RAI14: variants seen among roughly 807,000 people sequenced by gnomAD.
RAI14 encodes ankycorbin.
A neutral mutation model predicts 115.4 loss-of-function variants in RAI14; 45 were observed. The observed-to-expected ratio is 0.39, with a 90% CI of 0.31 to 0.50. The LOEUF is 0.50. RAI14 is among the 20% of genes least tolerant of loss of function. RAI14 has a pLI of 0.85. For synonymous variants in RAI14, 371 were observed against 415.4 expected (o/e 0.89, Z 1.30); for missense variants, 939 against 1,131.2 (o/e 0.83, Z 2.44).
At chr5:34,701,079 A>G (rs1161054630) in intron 2 of RAI14, among the ~76,000 whole-genome samples, 1 of 152,146 alleles carries the variant, frequency 6.6e-6, no homozygotes, top group Non-Finnish European at 1.5e-5. Context: ...AAAGGACACT[A>G]TTGAGGACGA....
chr5:34,774,079 G>T (rs552508544), intron 3 of RAI14, among the ~76,000 whole-genome samples: 56 of 152,216 alleles, frequency 3.7e-4, no homozygotes, highest in African/African-American at 1.2e-3. Flanking sequence ...AAGCCTGGGC[G>T]CAGTGGCCCA....
intron 3 of RAI14, among the ~76,000 whole-genome samples, chr5:34,784,709 G>A (rs1468003431): frequency 6.6e-6 from 1 of 152,156 alleles, no homozygotes; most frequent in Non-Finnish European, 1.5e-5. Context: ...CAAATCTAGA[G>A]CCTTCTCTGG....
At chr5:34,668,925 C>T (rs1024595922) in intron 1 of RAI14, among the ~76,000 whole-genome samples, 6 of 152,094 alleles carry the variant, frequency 3.9e-5, no homozygotes, top group East Asian at 1.9e-4. Context: ...GGCATCATCT[C>T]GGCTCACTGC....
At chr5:34,792,150 T>G (rs1380420159) in intron 3 of RAI14, among the ~76,000 whole-genome samples, 2 of 152,174 alleles carry the variant, frequency 1.3e-5, no homozygotes, top group African/African-American at 2.4e-5. Context: ...GTGGAGCTCC[T>G]TATCTGGAGA....
chr5:34,815,323 G>T (rs1756091305), intron 12 of RAI14, among the ~76,000 whole-genome samples: 1 of 151,996 alleles, frequency 6.6e-6, no homozygotes. Flanking sequence ...AGAGATTGCA[G>T]TGAGCCGAGA....
At chr5:34,794,079 A>G (rs1753228233) in intron 3 of RAI14, among the ~76,000 whole-genome samples, 1 of 152,218 alleles carries the variant, frequency 6.6e-6, no homozygotes, top group Non-Finnish European at 1.5e-5. Context: ...GAATTATTGC[A>G]CTGCCAGTAT....
chr5:34,802,277 G>A (rs570437539), intron 4 of RAI14, among the ~76,000 whole-genome samples: 1 of 152,156 alleles, frequency 6.6e-6, no homozygotes, highest in African/African-American at 2.4e-5. Flanking sequence ...TTGAGAAAGT[G>A]CATCTACGGC....
chr5:34,802,710 T>TAG (rs1471720681), intron 4 of RAI14, among the ~76,000 whole-genome samples: 1 of 152,058 alleles, frequency 6.6e-6, no homozygotes, highest in African/African-American at 2.4e-5. Flanking sequence ...TGTGTCTGTA[T>TAG]AGAGAAAGAG....
chr5:34,781,733 T>C (rs1751670443), intron 3 of RAI14, among the ~76,000 whole-genome samples: 1 of 152,188 alleles, frequency 6.6e-6, no homozygotes, highest in African/African-American at 2.4e-5. Context: ...GCAATTCCAC[T>C]CCTCGGTATG....
chr5:34,660,971 C>T (rs138414300), intron 1 of RAI14, among the ~76,000 whole-genome samples: 25 of 152,262 alleles, frequency 1.6e-4, no homozygotes, highest in Admixed American at 3.3e-4. Flanking sequence ...TGTTGAGACA[C>T]CTCCTTCCAG....
intron 5 of RAI14, among the ~76,000 whole-genome samples, chr5:34,807,015 A>G (rs1368001786): frequency 2.0e-5 from 3 of 152,174 alleles, no homozygotes; most frequent in African/African-American, 7.2e-5. Context: ...AGGGGACATA[A>G]AGCAGTTCTT....
At chr5:34,684,633 A>T (rs908217676) in intron 1 of RAI14, 5 of 152,178 alleles carry the variant, frequency 3.3e-5, no homozygotes, top group African/African-American at 1.2e-4. Flanking sequence ...CACACCATTT[A>T]TCCAAGGGCC....
rs34477153 is a variant in RAI14, at chr5:34,791,278, G to A, written c.168-4661G>A. Among the ~76,000 whole-genome samples the A allele has an allele frequency of 0.21, 32,542 of 151,946 alleles. 4,707 individuals carry two copies. The highest frequency in any genetic ancestry group is 0.31 in the Non-Finnish European group (20,741 of 67,938). On this transcript the variant is annotated intron_variant, in intron 3 of 17. Coordinates refer to ENST00000265109, the MANE Select transcript of RAI14 (RefSeq NM_015577.3). This position sits in a 1 kb window ranked among gnomAD's most constrained non-coding sequence, Gnocchi z 5.4. Reference sequence around the variant, plus strand: ...GTGGGACCGTCTAGACTGTGTGCTGGCTCTTACTAAAGTCATTTGTTTTTC... The same window carrying A: ...GTGGGACCGTCTAGACTGTGTGCTGACTCTTACTAAAGTCATTTGTTTTTC...
chr5:34,661,297 T>C (rs944820193), intron 1 of RAI14, among the ~76,000 whole-genome samples: 1 of 152,188 alleles, frequency 6.6e-6, no homozygotes, highest in African/African-American at 2.4e-5. Flanking sequence ...TATATCAGTA[T>C]TCTGTACTAG....
intron 2 of RAI14, among the ~76,000 whole-genome samples, chr5:34,751,464 T>C (rs1161693897): frequency 2.0e-5 from 3 of 152,194 alleles, no homozygotes; most frequent in African/African-American, 7.2e-5. Flanking sequence ...CATCTGTATA[T>C]ACATCCCTAA....
intron 3 of RAI14, among the ~76,000 whole-genome samples, chr5:34,764,565 C>CA (rs1344375023): frequency 1.3e-5 from 2 of 151,904 alleles, no homozygotes; most frequent in Non-Finnish European, 2.9e-5. Flanking sequence ...CTCTCTCTCT[C>CA]TCTCTCACAC....
intron 3 of RAI14, among the ~76,000 whole-genome samples, chr5:34,785,354 C>T (rs1163052853): frequency 2.0e-5 from 3 of 152,008 alleles, no homozygotes; most frequent in Non-Finnish European, 4.4e-5. Flanking sequence ...GGGACATACC[C>T]CGTTTCATGC....
intron 3 of RAI14, among the ~76,000 whole-genome samples, chr5:34,787,895 T>TTTTTTTTG: frequency 1.8e-5 from 1 of 56,526 alleles, no homozygotes; most frequent in African/African-American, 9.9e-5. Flanking sequence ...TACTACTGAT[T>TTTTTTTTG]TTTTTTTTTT....
chr5:34,794,837 C>T (rs182945882), intron 3 of RAI14, among the ~76,000 whole-genome samples: 60 of 152,264 alleles, frequency 3.9e-4, no homozygotes, highest in African/African-American at 1.3e-3. Context: ...TATCAGCTAT[C>T]GGACTTTCCA....
Sources: allele counts gnomAD v4.1 joint callset (sites outside exome capture counted in the v4.1 genomes callset), GRCh38; gene constraint gnomAD v4.1.1; non-coding constraint Gnocchi (gnomAD v3.1); transcripts MANE v1.5; gene names NCBI Gene and HGNC (gene_info 2026-07-23, HGNC 2026-07-21).